The following LASP1 variants were observed in gnomAD, a reference collection of about 807,000 sequenced individuals.
LASP1 encodes LIM and SH3 domain protein 1.
A neutral mutation model predicts 38.6 loss-of-function variants in LASP1; 10 were observed. The ratio of observed to expected loss-of-function variants is 0.26; its 90% confidence interval spans 0.16 to 0.44. The LOEUF (loss-of-function observed/expected upper bound fraction) is 0.44. Ranked by LOEUF, LASP1 falls within the 20% of genes least tolerant of loss-of-function variation. The pLI, the probability that LASP1 is intolerant of heterozygous loss-of-function variation, is 1.00. For synonymous variants in LASP1, 132 were observed against 140.8 expected, an observed-to-expected ratio of 0.94 and a Z score of 0.44; for missense variants, 243 against 375.7, an observed-to-expected ratio of 0.65 and a Z score of 2.92.
intron 4 of LASP1, among the ~76,000 whole-genome samples, chr17:38,899,747 C>CTTTTTTTTTTTTTTTTT (rs34397105): frequency 7.3e-6 from 1 of 136,180 alleles, no homozygotes; most frequent in South Asian, 2.4e-4. Context: ...GCGTTCAGAT[C>CTTTTTTTTTTTTTTTTT]TTTTTTTTTT....
rs535698798 is a variant in LASP1, at chr17:38,901,910, C to T, written c.357+3391C>T. ...CCTCGTGAGTAGCTGGGACTACAGG[C>T]GCCCGCCACCACGCCCGGCTAATAG... On this transcript the variant is annotated intron_variant, in intron 4 of 6. Coordinates refer to ENST00000318008, the MANE Select transcript of LASP1 (RefSeq NM_006148.4). Among the ~76,000 whole-genome samples the T allele has an allele frequency of 8.5e-5, 13 of 152,050 alleles. No homozygotes were observed. In the South Asian group the frequency reaches 2.1e-3, roughly 24 times the overall value.
chr17:38,883,812 T>G (rs1401010341), intron 2 of LASP1, among the ~76,000 whole-genome samples: 1 of 151,398 alleles, frequency 6.6e-6, no homozygotes, highest in African/African-American at 2.4e-5. Flanking sequence ...AAGTCTAGCC[T>G]TGATCTTTTT....
intron 3 of LASP1, among the ~76,000 whole-genome samples, chr17:38,894,695 T>C (rs1043404827): frequency 2.0e-5 from 3 of 152,214 alleles, no homozygotes; most frequent in African/African-American, 7.2e-5. Flanking sequence ...CCCGGCCCTT[T>C]CCATCAGCTC....
Position 38,871,613 on chromosome 17 carries a change from C to T in LASP1, c.69+1355C>T, listed in dbSNP as rs4140929. Reference sequence around the variant, plus strand: ...GAGGATAGTTTATTGGACACCTTATCTCTCCCCTCCCCCTTGGTGTGTGAG... The same window carrying T: ...GAGGATAGTTTATTGGACACCTTATTTCTCCCCTCCCCCTTGGTGTGTGAG... On this transcript the variant is annotated intron_variant, in intron 1 of 6. Transcript: ENST00000318008. Among the ~76,000 whole-genome samples, 24 of 152,150 alleles carry T rather than the reference C, an allele frequency of 1.6e-4. No homozygotes were observed. In the East Asian group the frequency reaches 4.1e-3, roughly 26 times the overall value.
intron 1 of LASP1, among the ~76,000 whole-genome samples, chr17:38,875,188 G>T (rs895019762): frequency 2.5e-4 from 38 of 152,070 alleles, no homozygotes; most frequent in African/African-American, 9.2e-4. Flanking sequence ...CCTAGGCAGG[G>T]GCCTGTGCAG....
At chr17:38,897,020 G>A in intron 3 of LASP1, 1 of 985,500 alleles carries the variant, frequency 1.0e-6, no homozygotes, top group Non-Finnish European at 1.2e-6. Context: ...CTCCCACTAA[G>A]AGTCACCGTG....
chr17:38,880,277 GA>G (rs1482311785), intron 2 of LASP1, among the ~76,000 whole-genome samples: 1 of 152,248 alleles, frequency 6.6e-6, no homozygotes, highest in African/African-American at 2.4e-5. Flanking sequence ...AGAAAAATCA[GA>G]GGCTTGTCCT....
chr17:38,882,434 G>A (rs868354128), intron 2 of LASP1, among the ~76,000 whole-genome samples: 19 of 152,108 alleles, frequency 1.2e-4, no homozygotes, highest in Middle Eastern at 3.2e-3. Flanking sequence ...TTTTAGTAGA[G>A]ATGGGGTTTT....
chr17:38,921,385 C>A lies in LASP1; in HGVS notation c.*2607C>A. The A allele has an allele frequency of 4.3e-6, 1 of 232,888 alleles. No individual in the cohort carries two copies. The allele number at this position is 232,888 out of a possible 1,614,324, so 14.4% of individuals were successfully genotyped here. Reference sequence around the variant, plus strand: ...GCCTCCTGTTTTCTCCCTCTCATGTCCCTCCAGGGAAAATGACTTTATTGC... The same window carrying A: ...GCCTCCTGTTTTCTCCCTCTCATGTACCTCCAGGGAAAATGACTTTATTGC... On this transcript the variant is annotated 3_prime_UTR_variant, in exon 7 of 7. Coordinates refer to ENST00000318008, the MANE Select transcript of LASP1 (RefSeq NM_006148.4).
At chr17:38,870,605 A>G (rs1363160566) in intron 1 of LASP1, among the ~76,000 whole-genome samples, 1 of 151,076 alleles carries the variant, frequency 6.6e-6, no homozygotes, top group Non-Finnish European at 1.5e-5. Context: ...GAGAGTGAGA[A>G]GAGACGGCCG....
At chr17:38,901,329 C>G (rs1295635161) in intron 4 of LASP1, among the ~76,000 whole-genome samples, 1 of 152,210 alleles carries the variant, frequency 6.6e-6, no homozygotes, top group Non-Finnish European at 1.5e-5. Context: ...AGGAGATAAC[C>G]ATCTTTTACC....
rs186220096 is a variant in LASP1 at position 38,871,846 on chromosome 17, G to T, written c.69+1588G>T. Reference sequence around the variant, plus strand: ...AAGTTGTTGATCTCCCCATGACCATGCCAGCCGCTGTTGGGCAGGACTTGA... The same window carrying T: ...AAGTTGTTGATCTCCCCATGACCATTCCAGCCGCTGTTGGGCAGGACTTGA... On this transcript the variant is annotated intron_variant, in intron 1 of 6. Coordinates refer to ENST00000318008, the MANE Select transcript of LASP1 (RefSeq NM_006148.4). 2.2e-3 allele frequency among the ~76,000 whole-genome samples: 329 copies of T among 152,204 alleles called. 1 individual carries two copies. Among genetic ancestry groups the T allele is most frequent in the African/African-American group, 7.4e-3 (307 of 41,514 alleles).
intron 3 of LASP1, among the ~76,000 whole-genome samples, chr17:38,890,808 ACACT>A (rs1169163414): frequency 6.6e-6 from 1 of 151,822 alleles, no homozygotes; most frequent in Non-Finnish European, 1.5e-5. Context: ...TTCCCCATTC[ACACT>A]CACCCACAAA....
In LASP1 at chr17:38,898,467, C is replaced by T; in HGVS notation, c.305C>T (p.Ala102Val). 1 of 1,551,634 alleles carries T rather than the reference C, an allele frequency of 6.4e-7. No individual in the cohort carries two copies. The highest frequency in any genetic ancestry group is 8.7e-7 in the Non-Finnish European group (1 of 1,146,904). Residue 102 changes from alanine to valine, a missense_variant, in exon 4 of 7, where the codon GCA becomes GTA. By Grantham distance (64) the Ala-to-Val change is moderately conservative (BLOSUM62 0). Transcript: ENST00000318008. ...AAGGGCAAAGGTTTCAGCGTAGTGG[C>T]AGACACGCCCGAGCTCCAGAGAATC... ...KNKGKGFSVV[A>V]DTPELQRIKK...
At chr17:38,892,336 C>T (rs562687053) in intron 3 of LASP1, among the ~76,000 whole-genome samples, 2 of 152,262 alleles carry the variant, frequency 1.3e-5, no homozygotes, top group Non-Finnish European at 2.9e-5. Context: ...AGCAGCAGCT[C>T]ACACCTGCCA....
At chr17:38,897,057 A>G in intron 3 of LASP1, 1 of 985,500 alleles carries the variant, frequency 1.0e-6, no homozygotes, top group Non-Finnish European at 1.2e-6. Flanking sequence ...AGGACTGAGG[A>G]AGAGCTGGTG....
In LASP1 at chr17:38,918,839, G is replaced by T; in HGVS notation, c.*61G>T. 6.4e-7 allele frequency: 1 copy of T among 1,566,484 alleles called. No individual in the cohort carries two copies. Among genetic ancestry groups the T allele is most frequent in the South Asian group, 1.1e-5 (1 of 89,560 alleles). ...ACGGCATCGCATCCGTCCTGGGCGT[G>T]ACCCGTCCATTCTTCAGTGTCTCTG... On this transcript the variant is annotated 3_prime_UTR_variant, in exon 7 of 7. Transcript: ENST00000318008. The surrounding 1 kb of genome is among the most constrained non-coding windows in gnomAD (Gnocchi z 4.4).
chr17:38,893,689 A>G (rs900546383), intron 3 of LASP1, among the ~76,000 whole-genome samples: 2 of 151,900 alleles, frequency 1.3e-5, no homozygotes, highest in African/African-American at 4.8e-5. Flanking sequence ...TTGCTTCCTC[A>G]CCAGTAAAAT....
intron 6 of LASP1, chr17:38,915,471 C>G (rs1382870140): frequency 9.6e-6 from 2 of 207,454 alleles, no homozygotes; most frequent in Non-Finnish European, 2.0e-5. Context: ...GCTCTCCTCG[C>G]TTCATGAGGA....
Sources: gnomAD v4.1 joint callset for allele counts (sites outside exome capture counted in the v4.1 genomes callset) on GRCh38, gnomAD v4.1.1 for gene constraint, Gnocchi (gnomAD v3.1) non-coding constraint, MANE v1.5 for transcripts, NCBI Gene and HGNC (gene_info 2026-07-23, HGNC 2026-07-21) for gene names.